NRDC: variants seen among roughly 807,000 people sequenced by gnomAD.
NRDC encodes nardilysin.
A neutral mutation model predicts 147.1 loss-of-function variants in NRDC; 54 were observed. The observed-to-expected ratio is 0.37, with a 90% CI of 0.29 to 0.46. The LOEUF is 0.46. Ranked by LOEUF, NRDC falls within the 20% of genes least tolerant of loss-of-function variation. The pLI, the probability that NRDC is intolerant of heterozygous loss-of-function variation, is 1.00. For missense variants in NRDC, 1,082 were observed against 1,370.6 expected, an observed-to-expected ratio of 0.79 and a Z score of 3.33; for synonymous variants, 440 against 482.1, an observed-to-expected ratio of 0.91 and a Z score of 1.14.
intron 1 of NRDC, among the ~76,000 whole-genome samples, chr1:51,853,521 C>T (rs576578879): frequency 3.3e-5 from 5 of 152,238 alleles, no homozygotes; most frequent in South Asian, 2.1e-4. Flanking sequence ...AAGATGGATG[C>T]GGGTTATTTC....
intron 20 of NRDC, chr1:51,801,189 C>T (rs1054518328): frequency 6.6e-6 from 1 of 152,260 alleles, no homozygotes; most frequent in Non-Finnish European, 1.5e-5. Context: ...CATGGGTGTT[C>T]TCAATAAGAT....
intron 1 of NRDC, among the ~76,000 whole-genome samples, chr1:51,872,431 G>A (rs1281873114): frequency 6.6e-6 from 1 of 152,186 alleles, no homozygotes; most frequent in Non-Finnish European, 1.5e-5. Flanking sequence ...GTCAGGCCCG[G>A]TGCAGTGGCT....
chr1:51,823,120 AAAG>A (rs1257749309), intron 7 of NRDC, among the ~76,000 whole-genome samples: 1 of 152,218 alleles, frequency 6.6e-6, no homozygotes, highest in Non-Finnish European at 1.5e-5. Context: ...GACAATGATA[AAAG>A]AAGGAAAATA....
intron 1 of NRDC, among the ~76,000 whole-genome samples, chr1:51,867,050 C>T (rs543531632): frequency 6.6e-6 from 1 of 152,236 alleles, no homozygotes; most frequent in Non-Finnish European, 1.5e-5. Context: ...TCATAGCTTA[C>T]TGTAACCTCA....
intron 1 of NRDC, among the ~76,000 whole-genome samples, chr1:51,856,301 C>T (rs1231014045): frequency 6.6e-6 from 1 of 152,190 alleles, no homozygotes; most frequent in Non-Finnish European, 1.5e-5. Flanking sequence ...TGGACACCAA[C>T]TGGGTGTCCT....
chr1:51,799,527 T>C (rs191463078), intron 21 of NRDC, among the ~76,000 whole-genome samples: 47 of 152,266 alleles, frequency 3.1e-4, no homozygotes, highest in Admixed American at 2.5e-3. Flanking sequence ...ATTACAGCTG[T>C]GTCAAAAGCA....
chr1:51,853,355 G>T (rs1204433261), intron 1 of NRDC, among the ~76,000 whole-genome samples: 1 of 152,058 alleles, frequency 6.6e-6, no homozygotes, highest in Non-Finnish European at 1.5e-5. Flanking sequence ...TTTGCCTCTT[G>T]AGAGGAGCAA....
chr1:51,854,773 T>C (rs1193225156), intron 1 of NRDC, among the ~76,000 whole-genome samples: 1 of 152,086 alleles, frequency 6.6e-6, no homozygotes, highest in Non-Finnish European at 1.5e-5. Flanking sequence ...ACAACAAAAA[T>C]AGCCAAGGAA....
chr1:51,830,106 A>G (rs1680639437), intron 4 of NRDC, among the ~76,000 whole-genome samples: 1 of 151,680 alleles, frequency 6.6e-6, no homozygotes, highest in South Asian at 2.1e-4. Flanking sequence ...CTGGGGCTAC[A>G]GGCACCCGCC....
chr1:51,872,893 G>A (rs567999109), intron 1 of NRDC, among the ~76,000 whole-genome samples: 12 of 150,132 alleles, frequency 8.0e-5, no homozygotes, highest in South Asian at 6.2e-4. Context: ...ACAAGTGAGA[G>A]TGCAAAACAA....
chr1:51,825,196 T>C (rs146486390), intron 6 of NRDC, 91 bp downstream of exon 6: 12,948 of 894,672 alleles, frequency 0.014, 380 homozygotes, highest in South Asian at 0.09. Context: ...CTAGGGACTC[T>C]AGCTTTATAA....
intron 1 of NRDC, among the ~76,000 whole-genome samples, chr1:51,858,119 C>A (rs1180787627): frequency 6.6e-6 from 1 of 152,086 alleles, no homozygotes; most frequent in Non-Finnish European, 1.5e-5. Flanking sequence ...TTCAAGGATG[C>A]CTATTGATGT....
chr1:51,864,365 T>A (rs1036627795), intron 1 of NRDC, among the ~76,000 whole-genome samples: 1 of 152,226 alleles, frequency 6.6e-6, no homozygotes, highest in African/African-American at 2.4e-5. Context: ...AAGCAAAATG[T>A]TATCCCAATA....
At chr1:51,865,876 C>A (rs1682780007) in intron 1 of NRDC, among the ~76,000 whole-genome samples, 2 of 150,992 alleles carry the variant, frequency 1.3e-5, no homozygotes, top group Non-Finnish European at 1.5e-5. Context: ...ATGGTGAGAC[C>A]CCATCTCTAC....
intron 2 of NRDC, chr1:51,836,510 C>A (rs1680983756): frequency 4.6e-6 from 6 of 1,301,808 alleles, no homozygotes; most frequent in Non-Finnish European, 5.4e-6. Flanking sequence ...AATATCATTT[C>A]ATGTCAGCAT....
chr1:51,847,663 T>C (rs2149231457), intron 1 of NRDC, among the ~76,000 whole-genome samples: 1 of 152,242 alleles, frequency 6.6e-6, no homozygotes, highest in South Asian at 2.1e-4. Context: ...CCACTCTGAG[T>C]GCGGGCCCGC....
At chr1:51,799,617 G>T (rs1224864666) in intron 21 of NRDC, among the ~76,000 whole-genome samples, 2 of 152,134 alleles carry the variant, frequency 1.3e-5, no homozygotes, top group Non-Finnish European at 2.9e-5. Flanking sequence ...GTGCACAAAG[G>T]GGTAGGTCTG....
chr1:51,829,752 C>T (rs1557916108), intron 4 of NRDC, among the ~76,000 whole-genome samples: 1 of 151,906 alleles, frequency 6.6e-6, no homozygotes, highest in East Asian at 1.9e-4. Context: ...TATATATGTT[C>T]TTTATGCTAT....
chr1:51,868,143 TCAAAGAAA>T (rs2124114538), intron 1 of NRDC, among the ~76,000 whole-genome samples: 1 of 152,140 alleles, frequency 6.6e-6, no homozygotes, highest in Admixed American at 6.5e-5. Context: ...ATGCAAAGAC[TCAAAGAAA>T]CAAATTCTCT....
Sources: allele counts gnomAD v4.1 joint callset (sites outside exome capture counted in the v4.1 genomes callset), GRCh38; gene constraint gnomAD v4.1.1; transcripts MANE v1.5; gene names NCBI Gene and HGNC (gene_info 2026-07-23, HGNC 2026-07-21).